Variants in UBAC2 observed in about 807,000 individuals in gnomAD.
UBAC2 encodes the protein ubiquitin-associated domain-containing protein 2.
UBAC2 carries 26 observed loss-of-function variants against 44.0 expected under a neutral mutation model. The observed-to-expected ratio is 0.59, with a 90% confidence interval of 0.43 to 0.82. UBAC2 has a LOEUF of 0.82. UBAC2 is among the 40% of genes least tolerant of loss of function. The pLI, the probability that UBAC2 is intolerant of heterozygous loss-of-function variation, is 0.00. For synonymous variants in UBAC2, 155 were observed against 154.3 expected (o/e 1.00, Z -0.04); for missense variants, 329 against 419.4 (o/e 0.78, Z 1.88).
chr13:99,340,699 G>A, intron 7 of UBAC2, 134 bp downstream of exon 7: 1 of 1,008,296 alleles, frequency 9.9e-7, no homozygotes, highest in Non-Finnish European at 1.4e-6. Flanking sequence ...CATTTCCAAA[G>A]AGATTGTAGG....
chr13:99,346,911 CAAAT>C, intron 7 of UBAC2, among the ~76,000 whole-genome samples: 1 of 101,184 alleles, frequency 9.9e-6, no homozygotes, highest in Non-Finnish European at 2.4e-5. Flanking sequence ...AATTAATGAG[CAAAT>C]ATGAGCATAA....
chr13:99,326,129 G>A (rs2044638209), intron 6 of UBAC2, among the ~76,000 whole-genome samples: 1 of 152,116 alleles, frequency 6.6e-6, no homozygotes, highest in South Asian at 2.1e-4. Flanking sequence ...TTCCATAGTT[G>A]CATCATTTGC....
At chr13:99,203,749 A>T (rs959153760) in intron 1 of UBAC2, among the ~76,000 whole-genome samples, 1 of 152,224 alleles carries the variant, frequency 6.6e-6, no homozygotes, top group Non-Finnish European at 1.5e-5. Context: ...GTGGAGGACC[A>T]CTTTAGCATG....
rs560543266 is a variant in UBAC2, at chr13:99,263,139, T to C, written c.389+18515T>C. Among the ~76,000 whole-genome samples the C allele has an allele frequency of 2.1e-4, 32 of 152,340 alleles. No individual in the cohort carries two copies. The East Asian group carries it at 4.0e-3, about 19-fold the overall frequency. ...TATTATACTTCGTTTTAGTAATTTT[T>C]GTTGAAGTTGGCCCTACTTAATAGA... On this transcript the variant is annotated intron_variant, in intron 4 of 8. Coordinates refer to ENST00000403766, the MANE Select transcript of UBAC2 (RefSeq NM_001144072.2).
intron 8 of UBAC2, 50 bp from the exon 9 acceptor site, chr13:99,385,178 T>G: frequency 2.2e-6 from 3 of 1,359,478 alleles, no homozygotes; most frequent in Non-Finnish European, 3.2e-6. Context: ...GGCCCAGGGA[T>G]AAGCGGCAAT....
At chr13:99,224,735 G>A (rs2043091915) in intron 1 of UBAC2, among the ~76,000 whole-genome samples, 1 of 152,136 alleles carries the variant, frequency 6.6e-6, no homozygotes, top group Non-Finnish European at 1.5e-5. Flanking sequence ...AGTACCATAT[G>A]ATTTTTAAAA....
chr13:99,254,395 G>A lies in UBAC2; in HGVS notation c.389+9771G>A, dbSNP rs545871548. Among the ~76,000 whole-genome samples, 14 of 152,222 alleles carry A rather than the reference G, an allele frequency of 9.2e-5. 2 individuals are homozygous for A. The South Asian group carries it at 2.9e-3, about 32-fold the overall frequency. ...TGGGGATGGCTGTAACAGGCCCCTT[G>A]GGTTCTTGTTGCTATTAATTTTGCC... is the stretch of plus-strand genomic sequence containing the variant. On this transcript the variant is annotated intron_variant, in intron 4 of 8. Coordinates refer to ENST00000403766, the MANE Select transcript of UBAC2 (RefSeq NM_001144072.2).
chr13:99,210,863 C>T (rs944585173), intron 1 of UBAC2, among the ~76,000 whole-genome samples: 23 of 152,028 alleles, frequency 1.5e-4, no homozygotes, highest in Admixed American at 5.2e-4. Flanking sequence ...CCACCCACCT[C>T]GGCCTCACAA....
intron 8 of UBAC2, among the ~76,000 whole-genome samples, chr13:99,374,250 G>A (rs368694271): frequency 5.3e-5 from 8 of 152,136 alleles, no homozygotes; most frequent in African/African-American, 1.9e-4. Flanking sequence ...GCAGAGGGGA[G>A]TTCCTTATTA....
chr13:99,265,471 A>G (rs1414307495), intron 4 of UBAC2, among the ~76,000 whole-genome samples: 1 of 152,222 alleles, frequency 6.6e-6, no homozygotes, highest in Non-Finnish European at 1.5e-5. Flanking sequence ...CATGAATGGA[A>G]CATTTGATTT....
chr13:99,365,991 A>G (rs2045325757), intron 7 of UBAC2, among the ~76,000 whole-genome samples: 1 of 152,064 alleles, frequency 6.6e-6, no homozygotes, highest in South Asian at 2.1e-4. Flanking sequence ...TTCGAGGTCT[A>G]TTTATTTGGC....
chr13:99,378,809 A>G (rs114208266), intron 8 of UBAC2, among the ~76,000 whole-genome samples: 178 of 152,354 alleles, frequency 1.2e-3, no homozygotes, highest in African/African-American at 4.0e-3. Context: ...AAAATCTTCC[A>G]TACCCATTCA....
Position 99,295,650 on chromosome 13 carries a change from G to A in UBAC2, c.390-18447G>A. The A allele has an allele frequency of 1.2e-6, 2 of 1,614,144 alleles. No individual in the cohort carries two copies. The highest frequency in any genetic ancestry group is 1.7e-6 in the Non-Finnish European group (2 of 1,180,042). On this transcript the variant is annotated intron_variant, in intron 4 of 8. Coordinates refer to ENST00000403766, the MANE Select transcript of UBAC2 (RefSeq NM_001144072.2). This position sits in a 1 kb window ranked among gnomAD's most constrained non-coding sequence, Gnocchi z 4.1. Reference sequence around the variant, plus strand: ...TGCTTTGACATAGGGTTGATGAGGAGTGGGAGTGTCTGAGCAAATACTAGA... The same window carrying A: ...TGCTTTGACATAGGGTTGATGAGGAATGGGAGTGTCTGAGCAAATACTAGA...
At chr13:99,333,384 A>G (rs140066990) in intron 6 of UBAC2, among the ~76,000 whole-genome samples, 1 of 152,386 alleles carries the variant, frequency 6.6e-6, no homozygotes, top group African/African-American at 2.4e-5. Flanking sequence ...CTTTTATCAT[A>G]TGGGAAAGTA....
chr13:99,360,054 T>C (rs894187465), intron 7 of UBAC2, among the ~76,000 whole-genome samples: 1 of 152,242 alleles, frequency 6.6e-6, no homozygotes, highest in African/African-American at 2.4e-5. Flanking sequence ...ATTTTGGCTT[T>C]TCTAAAACAT....
intron 4 of UBAC2, chr13:99,255,158 CCAGCAGCGTGATGATGATCCTTATGGA>C: frequency 6.2e-7 from 1 of 1,614,074 alleles, no homozygotes; most frequent in Middle Eastern, 1.6e-4. Context: ...AGCACCTGCA[CCAGCAGCGTGATGATGATCCTTATGGA>C]CTTCTCCTTG....
Position 99,338,039 on chromosome 13 carries a change from C to CTTTTTTCTTTT in UBAC2, c.562-2275_562-2274insCTTTTTTTTTT, listed in dbSNP as rs1566509471. Reference sequence around the variant, plus strand: ...GCAAAAAAATCTCCTAACTTTTTTTCTTTTTTTCTTTTTTTTTTTTTTTTT... The same window carrying CTTTTTTCTTTT: ...GCAAAAAAATCTCCTAACTTTTTTTCTTTTTTCTTTTTTTTTTTCTTTTTTTTTTTTTTTTT... On this transcript the variant is annotated intron_variant, in intron 6 of 8. Transcript: ENST00000403766. 5.7e-4 allele frequency among the ~76,000 whole-genome samples: 52 copies of CTTTTTTCTTTT among 91,544 alleles called. 1 individual carries two copies. The highest frequency in any genetic ancestry group is 1.3e-3 in the African/African-American group (25 of 19,852). 60.1% of individuals were successfully genotyped at this position (91,544 alleles called of 152,430 possible).
intron 4 of UBAC2, among the ~76,000 whole-genome samples, chr13:99,247,204 T>G (rs79204134): frequency 0.017 from 1,615 of 95,548 alleles, 31 homozygotes; most frequent in African/African-American, 0.043. Context: ...TGTTTTTTTT[T>G]TTTTGTTTTG....
intron 4 of UBAC2, among the ~76,000 whole-genome samples, chr13:99,263,898 T>C (rs2043704691): frequency 6.6e-6 from 1 of 152,194 alleles, no homozygotes. Context: ...GGAATTCATA[T>C]CATATGATTC....
Sources: allele counts gnomAD v4.1 joint callset (sites outside exome capture counted in the v4.1 genomes callset), GRCh38; gene constraint gnomAD v4.1.1; non-coding constraint Gnocchi (gnomAD v3.1); transcripts MANE v1.5; gene names NCBI Gene and HGNC (gene_info 2026-07-23, HGNC 2026-07-21).